Variants in CNTNAP2 observed in about 807,000 individuals in gnomAD.
The protein encoded by CNTNAP2 is contactin-associated protein-like 2.
Under a neutral mutation model 155.2 loss-of-function variants are expected in CNTNAP2, and 98 were observed. The observed-to-expected ratio is 0.63, with a 90% CI of 0.54 to 0.75. The LOEUF is 0.75. Among genes scored for constraint, CNTNAP2 ranks in the 30% least tolerant of loss-of-function variants. CNTNAP2 has a pLI of 0.00. For missense variants in CNTNAP2, 1,727 were observed against 1,688.1 expected, an observed-to-expected ratio of 1.02 and a Z score of -0.40; for synonymous variants, 651 against 631.2, an observed-to-expected ratio of 1.03 and a Z score of -0.47.
At chr7:147,342,492 C>A (rs1795782137) in intron 9 of CNTNAP2, among the ~76,000 whole-genome samples, 1 of 152,082 alleles carries the variant, frequency 6.6e-6, no homozygotes, top group Admixed American at 6.6e-5. Context: ...CAACTGGTGG[C>A]CAGTTTAATG....
chr7:147,546,723 G>T (rs547977943), intron 11 of CNTNAP2, among the ~76,000 whole-genome samples: 1 of 152,154 alleles, frequency 6.6e-6, no homozygotes, highest in African/African-American at 2.4e-5. Flanking sequence ...AGTTGACTGT[G>T]GTCAGTTGAG....
Position 147,827,954 on chromosome 7 carries a change from C to T in CNTNAP2, c.2099-75611C>T, listed in dbSNP as rs542670178. On this transcript the variant is annotated intron_variant, in intron 13 of 23. Coordinates refer to ENST00000361727, the MANE Select transcript of CNTNAP2 (RefSeq NM_014141.6). ...GTTTTCCCTAAAGAAAGCCATTCTT[C>T]CTATTCTTATGATTTCTGATGCTAG... Among the ~76,000 whole-genome samples the T allele has an allele frequency of 2.8e-4, 42 of 152,226 alleles. 1 individual carries two copies. Among genetic ancestry groups the T allele is most frequent in the Non-Finnish European group, 5.3e-4 (36 of 68,006 alleles).
At chr7:147,517,693 A>C (rs566473196) in intron 11 of CNTNAP2, among the ~76,000 whole-genome samples, 1 of 152,232 alleles carries the variant, frequency 6.6e-6, no homozygotes. Context: ...CTCTGTCAGC[A>C]TTATTTGGCA....
At chr7:148,316,817 C>G (rs1207243815) in intron 21 of CNTNAP2, among the ~76,000 whole-genome samples, 1 of 152,086 alleles carries the variant, frequency 6.6e-6, no homozygotes, top group Non-Finnish European at 1.5e-5. Context: ...TCTGGAGGCA[C>G]CAGTGTATAT....
chr7:146,584,930 G>T (rs1798664541), intron 1 of CNTNAP2, among the ~76,000 whole-genome samples: 5 of 152,032 alleles, frequency 3.3e-5, no homozygotes, highest in African/African-American at 9.7e-5. Flanking sequence ...TAATAGTAGG[G>T]CACTGATGAG....
intron 1 of CNTNAP2, among the ~76,000 whole-genome samples, chr7:146,481,198 A>G (rs563157353): frequency 1.3e-5 from 2 of 152,288 alleles, no homozygotes; most frequent in South Asian, 2.1e-4. Context: ...ATCTCCCAAT[A>G]TTCCTAATTT....
intron 1 of CNTNAP2, among the ~76,000 whole-genome samples, chr7:146,550,929 A>G (rs982764283): frequency 3.3e-5 from 5 of 152,070 alleles, no homozygotes; most frequent in African/African-American, 1.2e-4. Context: ...CCAGACAGGG[A>G]GGAGAGGTTT....
intron 1 of CNTNAP2, among the ~76,000 whole-genome samples, chr7:146,504,728 G>T (rs1426125228): frequency 6.6e-6 from 1 of 151,988 alleles, no homozygotes; most frequent in Admixed American, 6.6e-5. Flanking sequence ...GGGCATCTAA[G>T]GAATGTGGAA....
At chr7:147,632,362 G>A (rs946544341) in intron 12 of CNTNAP2, among the ~76,000 whole-genome samples, 1 of 152,076 alleles carries the variant, frequency 6.6e-6, no homozygotes, top group African/African-American at 2.4e-5. Flanking sequence ...CCAGTGTTGC[G>A]GGAGGGACCA....
At chr7:146,387,923 G>T (rs1047761813) in intron 1 of CNTNAP2, among the ~76,000 whole-genome samples, 1 of 151,826 alleles carries the variant, frequency 6.6e-6, no homozygotes, top group Non-Finnish European at 1.5e-5. Context: ...GATGCTAAAG[G>T]TATTTATTTT....
intron 11 of CNTNAP2, among the ~76,000 whole-genome samples, chr7:147,512,369 G>A (rs915492405): frequency 1.3e-5 from 2 of 152,096 alleles, no homozygotes; most frequent in African/African-American, 4.8e-5. Context: ...ATTCACATTA[G>A]CAACATAAGA....
At chr7:147,995,913 A>G (rs150550525) in intron 15 of CNTNAP2, among the ~76,000 whole-genome samples, 168 of 152,288 alleles carry the variant, frequency 1.1e-3, no homozygotes, top group Non-Finnish European at 2.0e-3. Context: ...TGCTGCATCC[A>G]TTCCCCGGGC....
chr7:146,722,781 C>T (rs965918598), intron 1 of CNTNAP2, among the ~76,000 whole-genome samples: 4 of 151,916 alleles, frequency 2.6e-5, no homozygotes, highest in Admixed American at 2.6e-4. Context: ...CTTTGGGAGG[C>T]CGAGGCGGAT....
At chr7:147,798,501 C>G (rs118013376) in intron 13 of CNTNAP2, among the ~76,000 whole-genome samples, 1 of 152,122 alleles carries the variant, frequency 6.6e-6, no homozygotes, top group Admixed American at 6.5e-5. Flanking sequence ...TTGTCCTGTA[C>G]GTAATGGCTT....
chr7:146,549,620 A>C (rs1273361370), intron 1 of CNTNAP2, among the ~76,000 whole-genome samples: 3 of 151,982 alleles, frequency 2.0e-5, no homozygotes, highest in Non-Finnish European at 4.4e-5. Context: ...TTATTTAAAA[A>C]CTATTTTGAG....
chr7:147,046,792 G>A (rs1362651720), intron 4 of CNTNAP2, among the ~76,000 whole-genome samples: 1 of 152,014 alleles, frequency 6.6e-6, no homozygotes, highest in African/African-American at 2.4e-5. Flanking sequence ...CACTTTGGGA[G>A]GCCAAGGAGG....
chr7:146,431,663 G>A (rs1231640776), intron 1 of CNTNAP2, among the ~76,000 whole-genome samples: 3 of 151,976 alleles, frequency 2.0e-5, no homozygotes, highest in East Asian at 1.9e-4. Flanking sequence ...AGAAGACTGC[G>A]TTATCATAAG....
At chr7:146,816,125 TG>T in intron 2 of CNTNAP2, among the ~76,000 whole-genome samples, 1 of 152,278 alleles carries the variant, frequency 6.6e-6, no homozygotes, top group South Asian at 2.1e-4. Context: ...TATTCCATGG[TG>T]TATATGTGCC....
intron 8 of CNTNAP2, among the ~76,000 whole-genome samples, chr7:147,299,270 A>AT (rs747314053): frequency 2.0e-5 from 3 of 152,080 alleles, no homozygotes; most frequent in Non-Finnish European, 4.4e-5. Context: ...TTGCTTTTTA[A>AT]TTTTCTGACT....
Sources: gnomAD v4.1 joint callset for allele counts (sites outside exome capture counted in the v4.1 genomes callset) on GRCh38, gnomAD v4.1.1 for gene constraint, MANE v1.5 for transcripts, NCBI Gene and HGNC (gene_info 2026-07-23, HGNC 2026-07-21) for gene names.